GLRA3: variants seen among roughly 807,000 people sequenced by gnomAD.
GLRA3 encodes the protein glycine receptor alpha 3.
GLRA3 carries 44 observed loss-of-function variants against 60.4 expected under a neutral mutation model. The observed-to-expected ratio is 0.73, with a 90% CI of 0.57 to 0.94. The LOEUF (loss-of-function observed/expected upper bound fraction) is 0.94, where lower values mean the gene tolerates loss of function less well. Among genes scored for constraint, GLRA3 ranks in the 40% least tolerant of loss-of-function variants. The probability of loss-of-function intolerance (pLI) is 0.00; values close to 1 mark genes in which losing one functional copy is unlikely to be tolerated. For missense variants in GLRA3, 508 were observed against 564.6 expected (o/e 0.90, Z 1.02); for synonymous variants, 223 against 192.9 (o/e 1.16, Z -1.29).
rs548332658 is a variant in GLRA3 at position 174,672,165 on chromosome 4, T to C, written c.927+4913A>G. ...TTCAAGGACTCATTATTTTTTAATG[T>C]TTAGTAGCTGTTTTCAATGAGATGG... On this transcript the variant is annotated intron_variant, in intron 7 of 9. Coordinates refer to ENST00000274093, the MANE Select transcript of GLRA3 (RefSeq NM_006529.4). Among the ~76,000 whole-genome samples, 22 of 152,166 alleles carry C rather than the reference T, an allele frequency of 1.4e-4. 1 individual carries two copies. The South Asian group carries it at 4.6e-3, about 32-fold the overall frequency.
intron 6 of GLRA3, among the ~76,000 whole-genome samples, chr4:174,680,827 TG>T (rs1163846884): frequency 6.6e-6 from 1 of 152,166 alleles, no homozygotes. Flanking sequence ...TTTCATTTTC[TG>T]GGGGGAAAGG....
chr4:174,706,008 A>T (rs1161159221), intron 5 of GLRA3, among the ~76,000 whole-genome samples: 3 of 152,154 alleles, frequency 2.0e-5, no homozygotes, highest in Non-Finnish European at 4.4e-5. Flanking sequence ...AGGTGGGTGG[A>T]TCACAAGGTC....
At position 174,651,415 on chromosome 4, in the gene GLRA3, A is replaced by G. The variant is rs79842073; in HGVS notation, c.1116+5328T>C. On this transcript the variant is annotated intron_variant, in intron 9 of 9. Transcript: ENST00000274093. ...TACCTATCAGTTCTTTTAGGGTGAG[A>G]GAAAATATATAAACCACCGGACAAA... 2.2e-3 allele frequency among the ~76,000 whole-genome samples: 339 copies of G among 152,294 alleles called. 5 individuals are homozygous for G. In the East Asian group the frequency reaches 0.037, roughly 16 times the overall value.
chr4:174,793,575 C>T (rs1739448792), intron 1 of GLRA3, among the ~76,000 whole-genome samples: 1 of 151,900 alleles, frequency 6.6e-6, no homozygotes, highest in Non-Finnish European at 1.5e-5. Context: ...GTGTCAGCCG[C>T]CTAATGGGGT....
chr4:174,677,399 C>T (rs1579429805), intron 6 of GLRA3, 107 bp from the exon 7 acceptor site: 1 of 667,622 alleles, frequency 1.5e-6, no homozygotes, highest in South Asian at 1.8e-5. Context: ...TCACTCTGTC[C>T]CCCAGGCTGG....
chr4:174,743,970 G>A (rs1245958229), intron 3 of GLRA3, among the ~76,000 whole-genome samples: 1 of 152,190 alleles, frequency 6.6e-6, no homozygotes, highest in Non-Finnish European at 1.5e-5. Context: ...GGCTGGGACA[G>A]GCAAGCCAGA....
rs563679089 is a variant in GLRA3 at position 174,662,290 on chromosome 4, A to C, written c.928-3093T>G. 3.3e-5 allele frequency among the ~76,000 whole-genome samples: 5 copies of C among 152,328 alleles called. No homozygotes were observed. The East Asian group carries it at 9.6e-4, about 29-fold the overall frequency. ...AAAATGAGAGATACTTATATTTATG[A>C]AAGGTAAGATGTTTTTCCATCTTTC... On this transcript the variant is annotated intron_variant, in intron 7 of 9. Coordinates refer to ENST00000274093, the MANE Select transcript of GLRA3 (RefSeq NM_006529.4).
chr4:174,728,850 A>G (rs917725333), intron 3 of GLRA3, 152 bp from the exon 4 acceptor site: 67 of 554,436 alleles, frequency 1.2e-4, no homozygotes, highest in Admixed American at 2.0e-4. Flanking sequence ...AGGAGGCTAT[A>G]CAAGTGTTGG....
At chr4:174,645,436 AAAG>A (rs1732777925) in intron 9 of GLRA3, among the ~76,000 whole-genome samples, 1 of 151,370 alleles carries the variant, frequency 6.6e-6, no homozygotes, top group Admixed American at 6.6e-5. Flanking sequence ...AAAAAAAAAA[AAAG>A]AAAATGATGT....
chr4:174,810,961 G>A lies in GLRA3; in HGVS notation c.71+17780C>T, dbSNP rs79834472. Reference sequence around the variant, plus strand: ...GTTGCTCCTAGCTTCCTTCTGGGAAGGGATAGTCTTTCTTTTCTCTCTCAT... The same window carrying A: ...GTTGCTCCTAGCTTCCTTCTGGGAAAGGATAGTCTTTCTTTTCTCTCTCAT... On this transcript the variant is annotated intron_variant, in intron 1 of 9. Transcript: ENST00000274093. Among the ~76,000 whole-genome samples, 626 of 152,200 alleles carry A rather than the reference G, an allele frequency of 4.1e-3. 4 individuals are homozygous for A. The highest frequency in any genetic ancestry group is 0.014 in the African/African-American group (578 of 41,532).
At chr4:174,805,188 T>A (rs756306479) in intron 1 of GLRA3, among the ~76,000 whole-genome samples, 2 of 152,110 alleles carry the variant, frequency 1.3e-5, no homozygotes, top group Non-Finnish European at 2.9e-5. Context: ...CCCTCTCTAT[T>A]TGCCTAAATA....
intron 3 of GLRA3, among the ~76,000 whole-genome samples, chr4:174,729,017 G>A (rs1192733306): frequency 6.6e-6 from 1 of 152,074 alleles, no homozygotes; most frequent in African/African-American, 2.4e-5. Flanking sequence ...GGCATCCTCG[G>A]GTACTCCCAT....
At chr4:174,683,542 G>C (rs1013164863) in intron 5 of GLRA3, among the ~76,000 whole-genome samples, 3 of 151,914 alleles carry the variant, frequency 2.0e-5, no homozygotes, top group Non-Finnish European at 4.4e-5. Flanking sequence ...GTAGAGACGG[G>C]GTTTTACCAT....
intron 7 of GLRA3, among the ~76,000 whole-genome samples, chr4:174,672,880 C>A (rs1733963980): frequency 6.6e-6 from 1 of 151,956 alleles, no homozygotes; most frequent in African/African-American, 2.4e-5. Context: ...CCCCACCCTG[C>A]CAAGTTTCTA....
chr4:174,779,075 G>C (rs918606273), intron 2 of GLRA3, among the ~76,000 whole-genome samples: 4 of 152,214 alleles, frequency 2.6e-5, no homozygotes, highest in African/African-American at 9.6e-5. Flanking sequence ...GTCCCTGTCT[G>C]ACAGCTTTGA....
chr4:174,820,516 A>T (rs1009293530), intron 1 of GLRA3, among the ~76,000 whole-genome samples: 2 of 152,178 alleles, frequency 1.3e-5, no homozygotes, highest in Non-Finnish European at 2.9e-5. Flanking sequence ...GAGAACTCAG[A>T]CAGTGGCAAC....
intron 1 of GLRA3, among the ~76,000 whole-genome samples, chr4:174,801,026 T>C (rs983279658): frequency 6.6e-6 from 1 of 152,084 alleles, no homozygotes; most frequent in Non-Finnish European, 1.5e-5. Flanking sequence ...ATAATGTAAG[T>C]GTACTCAGCA....
intron 1 of GLRA3, among the ~76,000 whole-genome samples, chr4:174,820,121 T>A (rs1740680268): frequency 6.6e-6 from 1 of 152,180 alleles, no homozygotes; most frequent in Admixed American, 6.5e-5. Flanking sequence ...TAAGAACAAG[T>A]AAGGCATAAC....
intron 1 of GLRA3, among the ~76,000 whole-genome samples, chr4:174,810,203 C>T (rs1419691256): frequency 6.6e-6 from 1 of 151,904 alleles, no homozygotes; most frequent in African/African-American, 2.4e-5. Context: ...AAGAAAGGAG[C>T]AGTTAGAGAA....
Sources: gnomAD v4.1 joint callset for allele counts (sites outside exome capture counted in the v4.1 genomes callset) on GRCh38, gnomAD v4.1.1 for gene constraint, MANE v1.5 for transcripts, NCBI Gene and HGNC (gene_info 2026-07-23, HGNC 2026-07-21) for gene names.